Variants in KCNB2 observed in about 807,000 individuals in gnomAD.
KCNB2 encodes the protein delayed rectifier potassium channel protein.
KCNB2 carries 15 observed loss-of-function variants against 61.5 expected under a neutral mutation model. The observed-to-expected ratio is 0.24, with a 90% CI of 0.16 to 0.38. The LOEUF is 0.38. Among genes scored for constraint, KCNB2 ranks in the 10% least tolerant of loss-of-function variants. KCNB2 has a pLI of 1.00. For synonymous variants in KCNB2, 457 were observed against 446.0 expected (o/e 1.02, Z -0.31); for missense variants, 828 against 1,125.2 (o/e 0.74, Z 3.78).
At chr8:72,595,510 G>C (rs968690109) in intron 2 of KCNB2, among the ~76,000 whole-genome samples, 3 of 151,758 alleles carry the variant, frequency 2.0e-5, no homozygotes, top group Admixed American at 1.3e-4. Flanking sequence ...ATTTTTAGTA[G>C]AGACGGAGTT....
At chr8:72,659,025 G>A (rs933306410) in intron 2 of KCNB2, among the ~76,000 whole-genome samples, 1 of 152,148 alleles carries the variant, frequency 6.6e-6, no homozygotes, top group African/African-American at 2.4e-5. Flanking sequence ...GGATTAAGGA[G>A]TAATTTTGAC....
chr8:72,647,197 T>C (rs759970791), intron 2 of KCNB2, among the ~76,000 whole-genome samples: 2 of 152,104 alleles, frequency 1.3e-5, no homozygotes, highest in Non-Finnish European at 2.9e-5. Flanking sequence ...GCAAACTCTG[T>C]TACAAATGCT....
intron 2 of KCNB2, among the ~76,000 whole-genome samples, chr8:72,607,618 G>C (rs1220279211): frequency 6.6e-6 from 1 of 152,100 alleles, no homozygotes; most frequent in African/African-American, 2.4e-5. Context: ...GAAATATTTT[G>C]TGATTTATAT....
intron 2 of KCNB2, among the ~76,000 whole-genome samples, chr8:72,845,570 G>C (rs1002990515): frequency 5.3e-5 from 8 of 152,206 alleles, no homozygotes; most frequent in African/African-American, 1.9e-4. Context: ...TCTGTCCCAG[G>C]GAGATGGGCA....
At chr8:72,713,405 C>T (rs1238489245) in intron 2 of KCNB2, among the ~76,000 whole-genome samples, 4 of 152,186 alleles carry the variant, frequency 2.6e-5, no homozygotes, top group Admixed American at 1.3e-4. Context: ...CTGGGAGGCA[C>T]CCCCCACTAG....
intron 2 of KCNB2, among the ~76,000 whole-genome samples, chr8:72,628,094 C>T (rs903931480): frequency 1.3e-5 from 2 of 152,068 alleles, no homozygotes; most frequent in African/African-American, 4.8e-5. Context: ...GCTGGGACTA[C>T]AGGTGTGTGT....
chr8:72,772,913 G>A (rs1268492572), intron 2 of KCNB2, among the ~76,000 whole-genome samples: 3 of 152,184 alleles, frequency 2.0e-5, no homozygotes, highest in African/African-American at 7.2e-5. Flanking sequence ...TCTCTGAGAT[G>A]TCAGCTAAGG....
chr8:72,743,939 G>A (rs935621105), intron 2 of KCNB2, among the ~76,000 whole-genome samples: 12 of 151,988 alleles, frequency 7.9e-5, no homozygotes, highest in African/African-American at 2.9e-4. Context: ...GTGAATTCGG[G>A]AGCCCTAAGT....
chr8:72,866,873 A>T (rs1203435207), intron 2 of KCNB2, among the ~76,000 whole-genome samples: 1 of 152,164 alleles, frequency 6.6e-6, no homozygotes, highest in Non-Finnish European at 1.5e-5. Context: ...TTCAGGTGGA[A>T]GTGTCAGCCT....
chr8:72,859,897 T>C (rs1810271949), intron 2 of KCNB2, among the ~76,000 whole-genome samples: 1 of 151,752 alleles, frequency 6.6e-6, no homozygotes, highest in South Asian at 2.1e-4. Flanking sequence ...TTTTGTATTT[T>C]TAGTAGAGTC....
Position 72,839,599 on chromosome 8 carries a change from C to CTT in KCNB2, c.580-96306_580-96305dup, listed in dbSNP as rs10561095. Among the ~76,000 whole-genome samples, 301 of 87,650 alleles carry CTT rather than the reference C, an allele frequency of 3.4e-3. 26 individuals carry two copies. Among genetic ancestry groups the CTT allele is most frequent in the African/African-American group, 0.013 (267 of 20,434 alleles). The allele number at this position is 87,650 out of a possible 152,430, so 57.5% of individuals were successfully genotyped here. On this transcript the variant is annotated intron_variant, in intron 2 of 2. Coordinates refer to ENST00000523207, the MANE Select transcript of KCNB2 (RefSeq NM_004770.3). ...CCTTGAGCTAAACTTTGAAAGGCTT[C>CTT]TTTTTTTTTTTTTTTTTTTTTTTTT...
chr8:72,731,698 C>G (rs1266557455), intron 2 of KCNB2, among the ~76,000 whole-genome samples: 1 of 152,152 alleles, frequency 6.6e-6, no homozygotes, highest in African/African-American at 2.4e-5. Context: ...AATGCTAAGG[C>G]CACTCCTCTC....
At chr8:72,868,373 A>T (rs1377368858) in intron 2 of KCNB2, among the ~76,000 whole-genome samples, 7 of 151,856 alleles carry the variant, frequency 4.6e-5, no homozygotes, top group African/African-American at 1.7e-4. Context: ...AGGTCAAGAG[A>T]TCAAGACCAT....
Position 72,938,199 on chromosome 8 carries a change from A to T in KCNB2, c.*108A>T, listed in dbSNP as rs571521384. 2.6e-5 allele frequency: 21 copies of T among 813,816 alleles called. No individual in the cohort carries two copies. The East Asian group carries it at 5.1e-4, about 20-fold the overall frequency. The allele number at this position is 813,816 out of a possible 1,614,324, so 50.4% of individuals were successfully genotyped here. A position where few individuals can be genotyped will look rare whatever the true frequency, so the allele number is the denominator to read the frequency against. On this transcript the variant is annotated 3_prime_UTR_variant, in exon 3 of 3. Transcript: ENST00000523207. ...ACTAAAAAAATGGGAAGCCCTCCCC[A>T]AAAAAAGTGCATAAAATGTTATTTT...
Position 72,567,707 on chromosome 8 carries a change from C to T in KCNB2, c.-28C>T, listed in dbSNP as rs1396556972. 6.8e-7 allele frequency: 1 copy of T among 1,478,816 alleles called. No individual in the cohort carries two copies. Among genetic ancestry groups the T allele is most frequent in the Admixed American group, 2.2e-5 (1 of 44,582 alleles). 91.6% of individuals were successfully genotyped at this position (1,478,816 alleles called of 1,614,324 possible). A position where few individuals can be genotyped will look rare whatever the true frequency, so the allele number is the denominator to read the frequency against. On this transcript the variant is annotated 5_prime_UTR_variant, in exon 2 of 3. Coordinates refer to ENST00000523207, the MANE Select transcript of KCNB2 (RefSeq NM_004770.3). Reference sequence around the variant, plus strand: ...CAGTTGACCTCATTTTTTAAGGACCCTGGCTCTGCGGCTTTGTCCAGTTCA... The same window carrying T: ...CAGTTGACCTCATTTTTTAAGGACCTTGGCTCTGCGGCTTTGTCCAGTTCA...
intron 2 of KCNB2, among the ~76,000 whole-genome samples, chr8:72,703,259 A>G (rs1807164282): frequency 6.6e-6 from 1 of 152,196 alleles, no homozygotes; most frequent in African/African-American, 2.4e-5. Flanking sequence ...ATTGTGAGAT[A>G]AGAGTAGCAA....
chr8:72,867,386 C>T (rs566723611), intron 2 of KCNB2, among the ~76,000 whole-genome samples: 240 of 152,194 alleles, frequency 1.6e-3, no homozygotes, highest in Non-Finnish European at 2.5e-3. Flanking sequence ...TGGTGGCTCA[C>T]GCCTATAAGC....
chr8:72,624,360 A>G (rs1393956049), intron 2 of KCNB2, among the ~76,000 whole-genome samples: 4 of 152,168 alleles, frequency 2.6e-5, no homozygotes, highest in Admixed American at 2.6e-4. Context: ...TTTTCCTGAC[A>G]GATTTTAGCC....
chr8:72,573,110 T>C (rs1179167195), intron 2 of KCNB2, among the ~76,000 whole-genome samples: 1 of 152,166 alleles, frequency 6.6e-6, no homozygotes, highest in African/African-American at 2.4e-5. Flanking sequence ...CCTTGAGAAC[T>C]AGTCCCCTAT....
Sources: allele counts gnomAD v4.1 joint callset (sites outside exome capture counted in the v4.1 genomes callset), GRCh38; gene constraint gnomAD v4.1.1; transcripts MANE v1.5; gene names NCBI Gene and HGNC (gene_info 2026-07-23, HGNC 2026-07-21).